STRA6: variants seen among roughly 807,000 people sequenced by gnomAD.
The protein encoded by STRA6 is receptor for retinol uptake STRA6.
STRA6 carries 48 observed loss-of-function variants against 83.6 expected under a neutral mutation model. The observed-to-expected ratio is 0.57, with a 90% CI of 0.46 to 0.73. STRA6 has a LOEUF of 0.73. STRA6 is among the 30% of genes least tolerant of loss of function. The pLI is 0.00. For missense variants in STRA6, 760 were observed against 838.8 expected (o/e 0.91, Z 1.16); for synonymous variants, 353 against 362.3 (o/e 0.97, Z 0.29).
At chr15:74,186,321 A>C (rs577869859) in intron 12 of STRA6, among the ~76,000 whole-genome samples, 1 of 152,368 alleles carries the variant, frequency 6.6e-6, no homozygotes, top group South Asian at 2.1e-4. Flanking sequence ...GTGGTGATCA[A>C]ACTTTGCTTG....
At chr15:74,182,572 C>T (rs763861263) in intron 14 of STRA6, 112 bp from the exon 15 acceptor site, 15 of 815,534 alleles carry the variant, frequency 1.8e-5, no homozygotes, top group Admixed American at 1.0e-4. Context: ...GGTTTTAGAT[C>T]TCTGCTCTGC....
intron 9 of STRA6, 55 bp from the exon 10 acceptor site, chr15:74,191,298 G>A (rs1428902092): frequency 6.2e-7 from 1 of 1,611,510 alleles, no homozygotes; most frequent in African/African-American, 1.3e-5. Context: ...ATTCCCTGAG[G>A]GCCAGCCCCA....
intron 8 of STRA6, among the ~76,000 whole-genome samples, chr15:74,192,799 A>G (rs2073612478): frequency 6.6e-6 from 1 of 152,204 alleles, no homozygotes; most frequent in Non-Finnish European, 1.5e-5. Flanking sequence ...GGGTCTCTGC[A>G]GAGCTTTCTT....
chr15:74,209,621 T>G (rs1463855943), upstream of STRA6: 1 of 611,724 alleles, frequency 1.6e-6, no homozygotes, highest in Non-Finnish European at 2.8e-6. Context: ...GCTGGGGTTC[T>G]GGAGTCCTGC....
intron 3 of STRA6, 87 bp downstream of exon 3, chr15:74,197,665 C>T (rs2073882073): frequency 6.5e-7 from 1 of 1,540,422 alleles, no homozygotes; most frequent in Non-Finnish European, 8.8e-7. Flanking sequence ...CCAGGGCCCC[C>T]CTTCACCAGC....
At chr15:74,206,291 G>A (rs553422742), upstream of STRA6, among the ~76,000 whole-genome samples, 27 of 152,338 alleles carry the variant, frequency 1.8e-4, no homozygotes, top group African/African-American at 4.8e-4. Context: ...CATGGATAGC[G>A]GGTGGCCGCG....
At chr15:74,197,619 G>A in intron 3 of STRA6, 133 bp downstream of exon 3, 1 of 1,319,222 alleles carries the variant, frequency 7.6e-7, no homozygotes, top group South Asian at 1.3e-5. Flanking sequence ...TCCAAGCTGG[G>A]AGAACTCCCA....
At chr15:74,197,268 C>T (rs926788806) in intron 4 of STRA6, 70 bp downstream of exon 4, 37 of 1,155,374 alleles carry the variant, frequency 3.2e-5, no homozygotes, top group Non-Finnish European at 4.3e-5. Flanking sequence ...CCTAACAAAT[C>T]ACCCACCCTC....
At position 74,189,250 on chromosome 15, in the gene STRA6, C is replaced by T; in HGVS notation, c.955G>A (p.Val319Ile). ...QVALLLLVGV[V>I]PTIQKVRAGV... Reference sequence around the variant, plus strand: ...GCCCTCACCTTCTGGATAGTGGGTACCACGCCCACCAGCAGCAGCAGGGCC... The same window carrying T: ...GCCCTCACCTTCTGGATAGTGGGTATCACGCCCACCAGCAGCAGCAGGGCC... Residue 319 changes from valine (V) to isoleucine (I), a missense_variant, in exon 12 of 19, where the codon GTA becomes ATA. Val to Ile is a conservative substitution (Grantham distance 29). Transcript: ENST00000395105. 2 of 1,604,316 alleles carry T rather than the reference C, an allele frequency of 1.2e-6. No homozygotes were observed. Among genetic ancestry groups the T allele is most frequent in the Non-Finnish European group, 8.5e-7 (1 of 1,175,754 alleles).
At chr15:74,207,016 G>C (rs2074275113), upstream of STRA6, among the ~76,000 whole-genome samples, 1 of 152,214 alleles carries the variant, frequency 6.6e-6, no homozygotes, top group African/African-American at 2.4e-5. Context: ...TCTGCCATTT[G>C]GGCTTGGCAC....
Position 74,207,984 on chromosome 15 carries a change from T to A in STRA6, c.-16+816A>T, listed in dbSNP as rs763886141. 1.3e-5 allele frequency: 18 copies of A among 1,418,456 alleles called. No individual in the cohort carries two copies. The South Asian group carries it at 2.3e-4, about 18-fold the overall frequency. The allele number at this position is 1,418,456 out of a possible 1,614,324, so 87.9% of individuals were successfully genotyped here. A position where few individuals can be genotyped will look rare whatever the true frequency, so the allele number is the denominator to read the frequency against. On this transcript the variant is annotated intron_variant, in intron 1 of 18. Coordinates refer to the STRA6 transcript ENST00000323940. ...CTACCTCCCCTGCCATGTGGGAGGG[T>A]CAGAAGCACCATCTGATGTGCCCTT...
intron 11 of STRA6, among the ~76,000 whole-genome samples, 198 bp downstream of exon 11, chr15:74,190,642 C>T (rs2073483247): frequency 1.3e-5 from 2 of 152,160 alleles, no homozygotes; most frequent in African/African-American, 4.8e-5. Context: ...AAAATTAATG[C>T]TCCGAGTCAC....
At chr15:74,206,579 C>T (rs1289306374), upstream of STRA6, among the ~76,000 whole-genome samples, 4 of 152,200 alleles carry the variant, frequency 2.6e-5, no homozygotes, top group African/African-American at 9.7e-5. Context: ...CAGGAAGGCC[C>T]AGCCCTGCCC....
intron 7 of STRA6, chr15:74,194,670 A>G: frequency 1.1e-6 from 1 of 909,944 alleles, no homozygotes. Flanking sequence ...TGTCTTGTTC[A>G]TAGCTGTAGT....
At chr15:74,209,508 C>G (rs2074336744), upstream of STRA6, 1 of 1,433,020 alleles carries the variant, frequency 7.0e-7, no homozygotes, top group African/African-American at 1.4e-5. Flanking sequence ...GGGGAGTCAT[C>G]ACAGGGCTTC....
chr15:74,194,635 G>C (rs1332972850), intron 7 of STRA6: 4 of 681,512 alleles, frequency 5.9e-6, no homozygotes, highest in Non-Finnish European at 8.3e-6. Context: ...CTGAAGTGAC[G>C]GCTCTTGGGA....
chr15:74,191,417 A>G lies in STRA6; in HGVS notation c.788+7T>C, dbSNP rs1261501266. 1 of 1,613,574 alleles carries G rather than the reference A, an allele frequency of 6.2e-7. No homozygotes were observed. The highest frequency in any genetic ancestry group is 1.3e-5 in the African/African-American group (1 of 74,822). Reference sequence around the variant, plus strand: ...TTGGCCCACAAAGGGTGTGTCAGAGACCCCACCTGCTTCCCAGCTTCTTCC... The same window carrying G: ...TTGGCCCACAAAGGGTGTGTCAGAGGCCCCACCTGCTTCCCAGCTTCTTCC... On this transcript the variant is annotated splice_region_variant and intron_variant, in intron 9 of 18. Transcript: ENST00000395105.
chr15:74,194,049 A>G, intron 7 of STRA6, 127 bp from the exon 8 acceptor site: 5 of 1,472,376 alleles, frequency 3.4e-6, no homozygotes, highest in Non-Finnish European at 4.7e-6. Context: ...GGAAGGCTTC[A>G]GCTCTATGGT....
In STRA6 at chr15:74,180,680, G is replaced by T; in HGVS notation, c.1840+102C>A. 4.7e-6 allele frequency: 7 copies of T among 1,492,166 alleles called. No individual in the cohort carries two copies. The South Asian group carries it at 8.1e-5, about 17-fold the overall frequency. The allele number at this position is 1,492,166 out of a possible 1,614,324, so 92.4% of individuals were successfully genotyped here. On this transcript the variant is annotated intron_variant, in intron 18 of 18. Coordinates refer to ENST00000395105, the MANE Select transcript of STRA6 (RefSeq NM_022369.4). ...GGCAGCCAAGGAAGAGAGGAAGTGA[G>T]AATTTTCCTGGCGCTCACTCTGTGT...
Sources: allele counts gnomAD v4.1 joint callset (sites outside exome capture counted in the v4.1 genomes callset), GRCh38; gene constraint gnomAD v4.1.1; transcripts MANE v1.5; gene names NCBI Gene and HGNC (gene_info 2026-07-23, HGNC 2026-07-21).